NBAS: variants seen among roughly 807,000 people sequenced by gnomAD.
NBAS encodes NAG/BC035112 fusion.
In NBAS, 219 loss-of-function variants were observed where a neutral mutation model predicts 302.5. That is an observed-to-expected ratio of 0.72 (90% CI 0.65 to 0.81). The LOEUF (loss-of-function observed/expected upper bound fraction) is 0.81, where lower values mean the gene tolerates loss of function less well. Among genes scored for constraint, NBAS ranks in the 30% least tolerant of loss-of-function variants. NBAS has a pLI of 0.00. For missense variants in NBAS, 2,932 were observed against 2,841.6 expected, an observed-to-expected ratio of 1.03 and a Z score of -0.72; for synonymous variants, 1,118 against 1,021.6, an observed-to-expected ratio of 1.09 and a Z score of -1.80.
the NBAS span, among the ~76,000 whole-genome samples, chr2:14,957,790 C>T: frequency 6.6e-6 from 1 of 152,204 alleles, no homozygotes; most frequent in Non-Finnish European, 1.5e-5. Context: ...CTCATCCTTC[C>T]CACCAGGGGA....
chr2:15,195,092 T>C (rs1665556441), intron 48 of NBAS, among the ~76,000 whole-genome samples: 1 of 152,200 alleles, frequency 6.6e-6, no homozygotes, highest in Non-Finnish European at 1.5e-5. Flanking sequence ...AAACATGTAT[T>C]ATTTATAATA....
chr2:15,535,567 A>AAATAAAT (rs1558420388), intron 8 of NBAS, among the ~76,000 whole-genome samples: 11 of 136,372 alleles, frequency 8.1e-5, no homozygotes, highest in African/African-American at 3.3e-4. Context: ...AATAAATAAA[A>AAATAAAT]ATAAAAAAAT....
chr2:15,440,444 G>C (rs1426046840), intron 21 of NBAS, among the ~76,000 whole-genome samples: 3 of 152,178 alleles, frequency 2.0e-5, no homozygotes, highest in Non-Finnish European at 2.9e-5. Flanking sequence ...CTGCAGCTGA[G>C]GGTCCTGTCT....
At position 15,308,233 on chromosome 2, in the gene NBAS, A is replaced by G. The variant is rs772798923; in HGVS notation, c.4780T>C (p.Cys1594Arg). Residue 1594 changes from cysteine to arginine, a missense_variant, in exon 40 of 52, where the codon TGC (cysteine) becomes CGC (arginine). Cys to Arg is a radical substitution (Grantham distance 180). Transcript: ENST00000281513. ...ARLAPCFRDK[C>R]HPLYRADPKE... ...AGACTCACCCTGTAAAGAGGATGGC[A>G]CTTGTCCCTGAAACATGGGGCCAAT... The G allele has an allele frequency of 1.9e-6, 3 of 1,614,188 alleles. No individual in the cohort carries two copies. The highest frequency in any genetic ancestry group is 2.5e-6 in the Non-Finnish European group (3 of 1,180,030).
Position 15,276,890 on chromosome 2 carries a change from G to A in NBAS, c.5350C>T (p.His1784Tyr), listed in dbSNP as rs769303110. 7 of 1,613,892 alleles carry A rather than the reference G, an allele frequency of 4.3e-6. No homozygotes were observed. The African/African-American group carries it at 9.3e-5, about 22-fold the overall frequency. ...TTAAACTTCTTCAGCAGTCGAATGT[G>A]GGTTTCTGGTTTAATGGCACAGTTC... ...LGNCAIKPETHIRLLKKFKVV... is the reference protein window; with the variant it reads ...LGNCAIKPETYIRLLKKFKVV... The change falls in exon 43 of 52, where the codon CAC (histidine) becomes TAC (tyrosine). Residue 1784 changes from histidine (H) to tyrosine (Y), a missense_variant. By Grantham distance (83) the His-to-Tyr change is moderately conservative. Coordinates refer to ENST00000281513, the MANE Select transcript of NBAS (RefSeq NM_015909.4).
the NBAS span, among the ~76,000 whole-genome samples, chr2:14,947,636 C>T: frequency 6.6e-6 from 1 of 152,020 alleles, no homozygotes; most frequent in Non-Finnish European, 1.5e-5. Context: ...TTTCTCTTGC[C>T]TAATTGCTCT....
At chr2:14,967,021 C>T in the NBAS span, among the ~76,000 whole-genome samples, 1 of 151,944 alleles carries the variant, frequency 6.6e-6, no homozygotes, top group African/African-American at 2.4e-5. Flanking sequence ...TACTGATAAA[C>T]AATTAGAAAT....
intron 21 of NBAS, among the ~76,000 whole-genome samples, chr2:15,449,112 A>T (rs1447847116): frequency 1.3e-5 from 2 of 152,002 alleles, no homozygotes; most frequent in South Asian, 2.1e-4. Context: ...ACATTAGTTT[A>T]AAAAAAAGGA....
At chr2:15,337,246 A>T (rs965263261) in intron 35 of NBAS, among the ~76,000 whole-genome samples, 1 of 152,102 alleles carries the variant, frequency 6.6e-6, no homozygotes, top group Non-Finnish European at 1.5e-5. Flanking sequence ...ACTTAAGCAC[A>T]GGAGTTTGAA....
the NBAS span, among the ~76,000 whole-genome samples, chr2:14,906,050 T>C: frequency 6.6e-6 from 1 of 152,272 alleles, no homozygotes; most frequent in Non-Finnish European, 1.5e-5. Flanking sequence ...TCCCACTCCG[T>C]AATTCAATTT....
chr2:15,314,552 T>G (rs1025312197), intron 38 of NBAS, among the ~76,000 whole-genome samples: 1 of 152,096 alleles, frequency 6.6e-6, no homozygotes, highest in Non-Finnish European at 1.5e-5. Context: ...AAAACTCAGA[T>G]AGAAAACCCA....
chr2:14,887,741 T>C, the NBAS span, among the ~76,000 whole-genome samples: 1 of 152,200 alleles, frequency 6.6e-6, no homozygotes, highest in East Asian at 1.9e-4. Flanking sequence ...CGGTTCCTCA[T>C]GCCATCTTCA....
Position 15,468,403 on chromosome 2 carries a change from C to T in NBAS, c.1856G>A (p.Gly619Glu), listed in dbSNP as rs752603577. Residue 619 changes from glycine to glutamate, a missense_variant, in exon 17 of 52, where the codon GGG (glycine) becomes GAG (glutamate). By Grantham distance (98) the Gly-to-Glu change is moderately conservative (BLOSUM62 -2). Transcript: ENST00000281513. Reference sequence around the variant, plus strand: ...CAACCTGCCATCATCTGCTCCTTTCCCTATTGCTAAAAGAGCCTCCAGGTC... The same window carrying T: ...CAACCTGCCATCATCTGCTCCTTTCTCTATTGCTAAAAGAGCCTCCAGGTC... The part of the protein sequence containing the change: ...GTDLEALLAI[G>E]KGADDGRFTL... The T allele has an allele frequency of 1.2e-6, 2 of 1,613,938 alleles. No homozygotes were observed. Among genetic ancestry groups the T allele is most frequent in the Admixed American group, 1.7e-5 (1 of 59,986 alleles).
At chr2:15,392,032 A>AT (rs70961411) in intron 28 of NBAS, among the ~76,000 whole-genome samples, 23 of 151,628 alleles carry the variant, frequency 1.5e-4, no homozygotes, top group African/African-American at 3.9e-4. Flanking sequence ...CAAAAAAAAA[A>AT]TTAAAAGAAG....
the NBAS span, among the ~76,000 whole-genome samples, chr2:14,980,369 C>T: frequency 6.6e-6 from 1 of 152,100 alleles, no homozygotes; most frequent in Non-Finnish European, 1.5e-5. Context: ...AAGGCTGAAG[C>T]ACAGGGGCTG....
At chr2:15,478,438 T>C (rs1175327456) in intron 12 of NBAS, 149 bp from the exon 13 acceptor site, 39 of 686,608 alleles carry the variant, frequency 5.7e-5, no homozygotes, top group Non-Finnish European at 7.9e-5. Flanking sequence ...ATTGCCATGA[T>C]AGTCTGGAAA....
the NBAS span, among the ~76,000 whole-genome samples, chr2:15,140,064 C>T: frequency 6.2e-4 from 95 of 152,274 alleles, no homozygotes; most frequent in African/African-American, 2.2e-3. Flanking sequence ...CTTCTGCCTA[C>T]CTCATTTTAG....
At chr2:15,299,977 A>C (rs1297608572) in intron 40 of NBAS, among the ~76,000 whole-genome samples, 1 of 152,194 alleles carries the variant, frequency 6.6e-6, no homozygotes, top group Non-Finnish European at 1.5e-5. Flanking sequence ...TAGAAGAGAA[A>C]ATTCTCTCAG....
the NBAS span, among the ~76,000 whole-genome samples, chr2:15,004,667 A>ATTTTTTTT: frequency 8.5e-5 from 9 of 105,454 alleles, no homozygotes; most frequent in African/African-American, 2.6e-4. Flanking sequence ...CTCCCAGCTG[A>ATTTTTTTT]TTTTTTTTTT....
Sources: gnomAD v4.1 joint callset for allele counts (sites outside exome capture counted in the v4.1 genomes callset) on GRCh38, gnomAD v4.1.1 for gene constraint, MANE v1.5 for transcripts, NCBI Gene and HGNC (gene_info 2026-07-23, HGNC 2026-07-21) for gene names.